Variants in RPL6 observed in about 807,000 individuals in gnomAD.
The protein encoded by RPL6 is ribosomal protein L6.
RPL6 carries 1 observed loss-of-function variant against 32.1 expected under a neutral mutation model. That is an observed-to-expected ratio of 0.03 (90% CI 0.01 to 0.15). The LOEUF is 0.15. Ranked by LOEUF, RPL6 falls within the 10% of genes least tolerant of loss-of-function variation. The pLI is 1.00. For synonymous variants in RPL6, 126 were observed against 131.6 expected, an observed-to-expected ratio of 0.96 and a Z score of 0.29; for missense variants, 275 against 354.6, an observed-to-expected ratio of 0.78 and a Z score of 1.80.
At chr12:112,406,976 G>C in intron 3 of RPL6, 86 bp from the exon 4 acceptor site, 1 of 1,371,070 alleles carries the variant, frequency 7.3e-7, no homozygotes, top group South Asian at 1.3e-5. Flanking sequence ...TTTTGCTACA[G>C]CCTTTTTATT....
At chr12:112,416,539 G>T (rs1594116527) in intron 1 of RPL6, among the ~76,000 whole-genome samples, 1 of 152,286 alleles carries the variant, frequency 6.6e-6, no homozygotes, top group East Asian at 1.9e-4. Flanking sequence ...GCCTCCCAAA[G>T]TGCTGGGATT....
At chr12:112,410,934 T>A (rs962148869), upstream of RPL6, among the ~76,000 whole-genome samples, 1 of 152,242 alleles carries the variant, frequency 6.6e-6, no homozygotes, top group African/African-American at 2.4e-5. Context: ...ATCAACATCC[T>A]AGTTGTTGTC....
chr12:112,409,155 A>G (rs2037280038), intron 1 of RPL6: 2 of 292,150 alleles, frequency 6.8e-6, no homozygotes, highest in South Asian at 1.6e-4. Flanking sequence ...AAAAGATCGC[A>G]AAGACCAAGA....
chr12:112,405,729 A>C, intron 6 of RPL6, 124 bp downstream of exon 6: 1 of 799,664 alleles, frequency 1.3e-6, no homozygotes, highest in Non-Finnish European at 2.0e-6. Context: ...CTGGAATACT[A>C]AGTATCTCCC....
At position 112,406,898 on chromosome 12, in the gene RPL6, G is replaced by A. The variant is rs762971481; in HGVS notation, c.337-8C>T. On this transcript the variant is annotated splice_polypyrimidine_tract_variant and splice_region_variant and intron_variant, in intron 3 of 6. Transcript: ENST00000202773. ...AGTAGGATAATATCTAGGCTGTGGA[G>A]AGTCCATAGATCCAACTTATTTAAA... 1.2e-6 allele frequency: 2 copies of A among 1,614,080 alleles called. No homozygotes were observed. Among genetic ancestry groups the A allele is most frequent in the Non-Finnish European group, 1.7e-6 (2 of 1,179,928 alleles).
chr12:112,416,030 C>T (rs1184872824), intron 1 of RPL6, among the ~76,000 whole-genome samples: 2 of 144,362 alleles, frequency 1.4e-5, no homozygotes, highest in African/African-American at 5.1e-5. Context: ...GCAATCTTGG[C>T]TCACTGCAAG....
At chr12:112,416,712 A>G (rs867102021) in intron 1 of RPL6, among the ~76,000 whole-genome samples, 19 of 152,054 alleles carry the variant, frequency 1.2e-4, no homozygotes, top group African/African-American at 3.9e-4. Context: ...CCGCGCCCCG[A>G]GTGACCCGCC....
At position 112,408,510 on chromosome 12, in the gene RPL6, G is replaced by C. The variant is rs757606043; in HGVS notation, c.147C>G (p.Val49=). 6.2e-7 allele frequency: 1 copy of C among 1,613,338 alleles called. No individual in the cohort carries two copies. Among genetic ancestry groups the C allele is most frequent in the East Asian group, 2.2e-5 (1 of 44,890 alleles). Residue 49 remains valine, a synonymous_variant, in exon 2 of 7, where the codon GTC becomes GTG. Transcript: ENST00000202773. ...KGKPHCSRNP[V]LVRGIGRYSR... ...AATACCTGCCAATTCCTCTGACAAGGACAGGGTTGCGGCTGCAATGGGGCT... is the reference window on the plus strand; with the variant it reads ...AATACCTGCCAATTCCTCTGACAAGCACAGGGTTGCGGCTGCAATGGGGCT...
chr12:112,406,681 C>T lies in RPL6; in HGVS notation c.480+66G>A, dbSNP rs889179559. 7.5e-6 allele frequency: 12 copies of T among 1,592,208 alleles called. No individual in the cohort carries two copies. The South Asian group carries it at 1.0e-4, about 13-fold the overall frequency. On this transcript the variant is annotated intron_variant, in intron 4 of 6. Coordinates refer to ENST00000202773, the MANE Select transcript of RPL6 (RefSeq NM_000970.6). ...ATAAAGGAAAAGTACACCTAGCGTG[C>T]AAACGCATTGCCACCAGGCACCCCA...
chr12:112,408,320 CCTT>C lies in RPL6; in HGVS notation c.253_255del (p.Lys85del), dbSNP rs376867995. 2.7e-4 allele frequency: 429 copies of C among 1,614,158 alleles called. 2 individuals carry two copies. The African/African-American group carries it at 4.3e-3, about 16-fold the overall frequency. Reference sequence around the variant, plus strand: ...TTTGTAACAGTTGCGAGAACCTTCTCCTTCTTTTTCTTTTCAACCTACAAGGAC... The same window carrying C: ...TTTGTAACAGTTGCGAGAACCTTCTCCTTTTTCTTTTCAACCTACAAGGAC... On this transcript the variant is annotated inframe_deletion, in exon 3 of 7. Transcript: ENST00000202773.
At chr12:112,417,181 C>T (rs550589742) in intron 1 of RPL6, among the ~76,000 whole-genome samples, 104 of 152,232 alleles carry the variant, frequency 6.8e-4, no homozygotes, top group African/African-American at 2.2e-3. Flanking sequence ...CCTCAGCCTC[C>T]GGAGTAGCTG....
Position 112,408,626 on chromosome 12 carries a change from T to G in RPL6, c.31A>C (p.Thr11Pro). 6.4e-7 allele frequency: 1 copy of G among 1,566,086 alleles called. No homozygotes were observed. Among genetic ancestry groups the G allele is most frequent in the Non-Finnish European group, 8.6e-7 (1 of 1,168,346 alleles). MAGEKVEKPDTKEKKPEAKKV... is the reference protein window; with the variant it reads MAGEKVEKPDPKEKKPEAKKV... ...TTGGCTTCGGGTTTCTTCTCTTTAG[T>G]ATCTGGCTTCTCAACTTTTTCACCC... is the stretch of plus-strand genomic sequence containing the variant. The change falls in exon 2 of 7, where the codon ACT (threonine) becomes CCT (proline). Residue 11 changes from threonine to proline, a missense_variant. Transcript: ENST00000202773.
At chr12:112,415,673 G>T (rs1424213301) in intron 1 of RPL6, among the ~76,000 whole-genome samples, 1 of 151,894 alleles carries the variant, frequency 6.6e-6, no homozygotes, top group Non-Finnish European at 1.5e-5. Context: ...CCGGGATTGC[G>T]CCACTGCACT....
At chr12:112,408,684 A>C (rs1426599421) in intron 1 of RPL6, 28 bp from the exon 2 acceptor site, 2 of 1,539,454 alleles carry the variant, frequency 1.3e-6, no homozygotes, top group African/African-American at 1.4e-5. Flanking sequence ...TAGATAAAAA[A>C]AGGCATTTCA....
At chr12:112,417,298 T>TCTG (rs777404382) in intron 1 of RPL6, among the ~76,000 whole-genome samples, 22 of 152,170 alleles carry the variant, frequency 1.4e-4, no homozygotes, top group Non-Finnish European at 2.9e-4. Flanking sequence ...CCTCAAGTGA[T>TCTG]CTGCTCTCCT....
At chr12:112,415,356 G>C (rs148370435), upstream of RPL6, among the ~76,000 whole-genome samples, 156 of 152,268 alleles carry the variant, frequency 1.0e-3, 4 homozygotes, top group East Asian at 0.028. Flanking sequence ...ACTGCTTGAG[G>C]CCAGGAGTTC....
chr12:112,409,020 C>A (rs1039092522), intron 1 of RPL6: 3 of 259,066 alleles, frequency 1.2e-5, no homozygotes, highest in African/African-American at 6.6e-5. Flanking sequence ...AGCACCAAGA[C>A]CAGAACTTGA....
chr12:112,406,984 A>G, intron 3 of RPL6, 94 bp from the exon 4 acceptor site: 1 of 1,244,752 alleles, frequency 8.0e-7, no homozygotes, highest in Non-Finnish European at 1.1e-6. Flanking sequence ...CAGCCTTTTT[A>G]TTTTAAAGTA....
chr12:112,417,981 AATT>A (rs199659493), intron 1 of RPL6, among the ~76,000 whole-genome samples: 4 of 148,400 alleles, frequency 2.7e-5, no homozygotes, highest in East Asian at 2.0e-4. Context: ...TATTTATTGT[AATT>A]ATTATTATTA....
Sources: allele counts gnomAD v4.1 joint callset (sites outside exome capture counted in the v4.1 genomes callset), GRCh38; gene constraint gnomAD v4.1.1; transcripts MANE v1.5; gene names NCBI Gene and HGNC (gene_info 2026-07-23, HGNC 2026-07-21).